Variants in CSMD1 observed in about 807,000 individuals in gnomAD.
CSMD1 encodes the protein CUB and sushi domain-containing protein 1.
In CSMD1, 213 loss-of-function variants were observed where a neutral mutation model predicts 417.5. That is an observed-to-expected ratio of 0.51 (90% CI 0.46 to 0.57). The LOEUF (loss-of-function observed/expected upper bound fraction) is 0.57. Among genes scored for constraint, CSMD1 ranks in the 20% least tolerant of loss-of-function variants. The pLI is 0.00. For missense variants in CSMD1, 6,923 were observed against 4,529.7 expected (o/e 1.53, Z -15.17); for synonymous variants, 2,862 against 1,736.8 (o/e 1.65, Z -16.11).
intron 5 of CSMD1, among the ~76,000 whole-genome samples, chr8:3,897,502 A>C (rs1563189080): frequency 6.6e-6 from 1 of 152,190 alleles, no homozygotes; most frequent in South Asian, 2.1e-4. Flanking sequence ...AAAGTCATGC[A>C]TAAACTTGGA....
At chr8:4,335,354 A>T (rs1413058310) in intron 3 of CSMD1, among the ~76,000 whole-genome samples, 1 of 152,106 alleles carries the variant, frequency 6.6e-6, no homozygotes, top group Non-Finnish European at 1.5e-5. Context: ...ACAAACATTC[A>T]ATCTATAGGA....
intron 4 of CSMD1, among the ~76,000 whole-genome samples, chr8:4,020,679 T>C (rs1796744823): frequency 1.3e-5 from 2 of 152,208 alleles, no homozygotes; most frequent in East Asian, 1.9e-4. Flanking sequence ...AACAAAGCTG[T>C]TTTCATTTTA....
intron 12 of CSMD1, among the ~76,000 whole-genome samples, chr8:3,412,052 A>ACGTG: frequency 1.2e-5 from 1 of 85,822 alleles, no homozygotes; most frequent in African/African-American, 4.7e-5. Context: ...ATACACGTAT[A>ACGTG]TATACACACG....
At chr8:3,382,446 AAT>A (rs1372105862) in intron 18 of CSMD1, among the ~76,000 whole-genome samples, 2 of 142,906 alleles carry the variant, frequency 1.4e-5, no homozygotes, top group Admixed American at 7.3e-5. Context: ...TAACATATAT[AAT>A]ATAATATATA....
rs548405812 is a variant in CSMD1 at position 3,865,556 on chromosome 8, G to A, written c.819-111514C>T. Reference sequence around the variant, plus strand: ...AGGCAATGAGGGACCAAGCAGGCACGTACAGTGGGAAGCCGCAGGAGAATT... The same window carrying A: ...AGGCAATGAGGGACCAAGCAGGCACATACAGTGGGAAGCCGCAGGAGAATT... On this transcript the variant is annotated intron_variant, in intron 5 of 69. Transcript: ENST00000635120. Among the ~76,000 whole-genome samples the A allele has an allele frequency of 3.3e-5, 5 of 152,184 alleles. No individual in the cohort carries two copies. The South Asian group carries it at 8.3e-4, about 25-fold the overall frequency.
chr8:4,698,681 C>G (rs977316923), intron 1 of CSMD1, among the ~76,000 whole-genome samples: 6 of 150,292 alleles, frequency 4.0e-5, no homozygotes, highest in African/African-American at 1.2e-4. Flanking sequence ...AGGAAGAAGC[C>G]CTCCTCCCTC....
chr8:3,612,456 T>C (rs963704083), intron 8 of CSMD1, among the ~76,000 whole-genome samples: 4 of 152,120 alleles, frequency 2.6e-5, no homozygotes, highest in African/African-American at 7.2e-5. Flanking sequence ...ACCAACTTGA[T>C]CTAACTGACA....
intron 7 of CSMD1, among the ~76,000 whole-genome samples, chr8:3,677,295 T>C (rs186652823): frequency 1.5e-3 from 233 of 152,322 alleles, no homozygotes; most frequent in Non-Finnish European, 2.5e-3. Context: ...TTCCAACTAA[T>C]GATTGATGTA....
intron 12 of CSMD1, among the ~76,000 whole-genome samples, chr8:3,413,556 C>T (rs1350183425): frequency 6.6e-6 from 1 of 152,088 alleles, no homozygotes; most frequent in Non-Finnish European, 1.5e-5. Context: ...TAGCTTTTGT[C>T]CTTTAGTTAT....
chr8:4,735,770 G>A (rs562897493), intron 1 of CSMD1, among the ~76,000 whole-genome samples: 37 of 152,206 alleles, frequency 2.4e-4, no homozygotes, highest in Non-Finnish European at 4.0e-4. Context: ...GTTGTCAGCC[G>A]AGGATTTGAA....
intron 3 of CSMD1, among the ~76,000 whole-genome samples, chr8:4,150,698 C>G (rs1274573928): frequency 6.6e-6 from 1 of 152,042 alleles, no homozygotes; most frequent in Admixed American, 6.6e-5. Flanking sequence ...GGTTTAGAAC[C>G]TTAGGGTGTG....
intron 1 of CSMD1, among the ~76,000 whole-genome samples, chr8:4,647,889 G>C (rs994665990): frequency 3.3e-5 from 5 of 152,180 alleles, no homozygotes; most frequent in Admixed American, 6.5e-5. Flanking sequence ...ATGTGCATGT[G>C]TCTTTATAGT....
intron 5 of CSMD1, among the ~76,000 whole-genome samples, chr8:3,936,543 A>G (rs538476984): frequency 6.6e-6 from 1 of 152,174 alleles, no homozygotes; most frequent in Non-Finnish European, 1.5e-5. Flanking sequence ...ATGCTCCATC[A>G]ATGGAACAAC....
intron 12 of CSMD1, among the ~76,000 whole-genome samples, chr8:3,460,370 G>A (rs558879180): frequency 7.8e-4 from 119 of 152,276 alleles, no homozygotes; most frequent in Non-Finnish European, 1.3e-4. Context: ...GGTGAGAGAT[G>A]AAGATGGAAT....
At chr8:3,450,021 G>A (rs191199491) in intron 12 of CSMD1, among the ~76,000 whole-genome samples, 256 of 152,274 alleles carry the variant, frequency 1.7e-3, no homozygotes, top group Admixed American at 2.6e-3. Context: ...CCTCCTCATC[G>A]ATGTGGTCCT....
intron 12 of CSMD1, among the ~76,000 whole-genome samples, chr8:3,453,819 C>A (rs752447683): frequency 6.6e-6 from 1 of 152,114 alleles, no homozygotes; most frequent in Non-Finnish European, 1.5e-5. Context: ...CTGTAGATGT[C>A]TATTAGATCT....
At chr8:4,433,235 A>G (rs1797969673) in intron 2 of CSMD1, among the ~76,000 whole-genome samples, 1 of 152,188 alleles carries the variant, frequency 6.6e-6, no homozygotes, top group Non-Finnish European at 1.5e-5. Flanking sequence ...AAAGTGCATT[A>G]TAAATGTACT....
chr8:3,504,529 C>G (rs966041245), intron 10 of CSMD1, among the ~76,000 whole-genome samples: 1 of 152,180 alleles, frequency 6.6e-6, no homozygotes, highest in African/African-American at 2.4e-5. Context: ...AAAACCTTGT[C>G]ATGTCTGCCA....
chr8:4,194,401 G>C (rs73658463), intron 3 of CSMD1, among the ~76,000 whole-genome samples: 47 of 152,120 alleles, frequency 3.1e-4, no homozygotes, highest in Non-Finnish European at 5.6e-4. Context: ...TGAAACAATG[G>C]ACACTCCAAA....
Sources: gnomAD v4.1 joint callset for allele counts (sites outside exome capture counted in the v4.1 genomes callset) on GRCh38, gnomAD v4.1.1 for gene constraint, MANE v1.5 for transcripts, NCBI Gene and HGNC (gene_info 2026-07-23, HGNC 2026-07-21) for gene names.